Variants in C11orf65 observed in about 807,000 individuals in gnomAD.
C11orf65 encodes the protein protein MFI.
C11orf65 carries 38 observed loss-of-function variants against 35.3 expected under a neutral mutation model. The observed-to-expected ratio is 1.08, with a 90% CI of 0.83 to 1.41. The LOEUF (loss-of-function observed/expected upper bound fraction) is 1.41. Ranked by LOEUF, C11orf65 falls within the 40% of genes most tolerant of loss-of-function variation. The probability of loss-of-function intolerance (pLI) is 0.00; values close to 1 mark genes in which losing one functional copy is unlikely to be tolerated. For missense variants in C11orf65, 370 were observed against 367.1 expected (o/e 1.01, Z -0.06); for synonymous variants, 105 against 114.4 (o/e 0.92, Z 0.53).
chr11:108,363,233 T>A (rs1203537245), intron 2 of C11orf65, among the ~76,000 whole-genome samples: 1 of 152,230 alleles, frequency 6.6e-6, no homozygotes, highest in Non-Finnish European at 1.5e-5. Flanking sequence ...CTTGGATTCA[T>A]TTCTTTTCTT....
rs530540893 is a variant in C11orf65, at chr11:108,365,048, T to G, written c.226+28160A>C. 2.4e-5 allele frequency: 38 copies of G among 1,609,672 alleles called. 1 individual carries two copies. The South Asian group carries it at 3.3e-4, about 14-fold the overall frequency. ...TCTAAGTATGTGATTAAAATGTACA[T>G]TGTTCTTTTAATACATATGTTCTCT... is the stretch of plus-strand genomic sequence containing the variant. On this transcript the variant is annotated intron_variant, in intron 2 of 3. Transcript: ENST00000524755.
intron 2 of C11orf65, among the ~76,000 whole-genome samples, chr11:108,358,057 G>C (rs1205573292): frequency 3.4e-5 from 5 of 147,024 alleles, no homozygotes; most frequent in Admixed American, 6.8e-5. Context: ...AAAAAATTTA[G>C]AAGAATGTAT....
chr11:108,335,929 A>C, intron 2 of C11orf65: 1 of 1,613,652 alleles, frequency 6.2e-7, no homozygotes, highest in Non-Finnish European at 8.5e-7. Context: ...CACGGAAACT[A>C]GGAAGAGGAA....
At position 108,357,623 on chromosome 11, in the gene C11orf65, G is replaced by A. The variant is rs544245637; in HGVS notation, c.227-22331C>T. Among the ~76,000 whole-genome samples the A allele has an allele frequency of 4.6e-5, 7 of 152,262 alleles. No individual in the cohort carries two copies. The East Asian group carries it at 1.2e-3, about 25-fold the overall frequency. On this transcript the variant is annotated intron_variant, in intron 2 of 3. Transcript: ENST00000524755. Reference sequence around the variant, plus strand: ...GACAACAGGCAGACTGCCTCCTCAAGTGGGTTCCTGACCCCTGACCCCCGA... The same window carrying A: ...GACAACAGGCAGACTGCCTCCTCAAATGGGTTCCTGACCCCTGACCCCCGA...
At chr11:108,447,508 A>T (rs1333607267) in intron 2 of C11orf65, among the ~76,000 whole-genome samples, 3 of 152,176 alleles carry the variant, frequency 2.0e-5, no homozygotes, top group Non-Finnish European at 2.9e-5. Flanking sequence ...CTACATGGAA[A>T]CTGAACAACC....
chr11:108,439,512 A>AT (rs2093116988), intron 2 of C11orf65, among the ~76,000 whole-genome samples: 1 of 152,202 alleles, frequency 6.6e-6, no homozygotes, highest in Non-Finnish European at 1.5e-5. Flanking sequence ...TCAAACAGAT[A>AT]TTTTTACATC....
intron 8 of C11orf65, among the ~76,000 whole-genome samples, chr11:108,384,670 G>A (rs1195322805): frequency 6.6e-6 from 1 of 152,106 alleles, no homozygotes; most frequent in Non-Finnish European, 1.5e-5. Context: ...CTACCCAGGA[G>A]GCTGAAGTGG....
At chr11:108,399,630 C>T (rs758398992) in intron 6 of C11orf65, among the ~76,000 whole-genome samples, 1 of 152,168 alleles carries the variant, frequency 6.6e-6, no homozygotes, top group African/African-American at 2.4e-5. Context: ...GGCAATGCAG[C>T]GTAAGTAGTG....
intron 3 of C11orf65, among the ~76,000 whole-genome samples, chr11:108,429,035 T>C (rs2092948872): frequency 6.6e-6 from 1 of 152,024 alleles, no homozygotes; most frequent in Admixed American, 6.6e-5. Context: ...TTGCTCCAGC[T>C]ACTTGTGAGG....
At chr11:108,449,458 A>G (rs2093315641) in intron 2 of C11orf65, among the ~76,000 whole-genome samples, 1 of 152,034 alleles carries the variant, frequency 6.6e-6, no homozygotes, top group Non-Finnish European at 1.5e-5. Context: ...ATGGAGCAGA[A>G]CAGAGTCCTC....
chr11:108,447,120 A>C (rs372688095), intron 2 of C11orf65, among the ~76,000 whole-genome samples: 19 of 152,272 alleles, frequency 1.2e-4, no homozygotes, highest in Admixed American at 7.2e-4. Flanking sequence ...CAGGAGCACC[A>C]AGATTCATAA....
rs749430886 is a variant in C11orf65, at chr11:108,335,798, TAATAA to T, written c.227-511_227-507del. 8 of 1,488,218 alleles carry T rather than the reference TAATAA, an allele frequency of 5.4e-6. No individual in the cohort carries two copies. In the Admixed American group the frequency reaches 8.5e-5, roughly 16 times the overall value. The allele number at this position is 1,488,218 out of a possible 1,614,324, so 92.2% of individuals were successfully genotyped here. A position where few individuals can be genotyped will look rare whatever the true frequency, so the allele number is the denominator to read the frequency against. ...ATTCTCAGATGACTCTGTGTTTTTA[TAATAA>T]AATAAACTGTACTTGTTTATTCATG... On this transcript the variant is annotated intron_variant, in intron 2 of 3. Transcript: ENST00000524755.
chr11:108,405,098 G>A lies in C11orf65; in HGVS notation c.560+331C>T, dbSNP rs1361470521. Among the ~76,000 whole-genome samples, 4 of 152,256 alleles carry A rather than the reference G, an allele frequency of 2.6e-5. No individual in the cohort carries two copies. In the South Asian group the frequency reaches 6.2e-4, roughly 24 times the overall value. ...AGCCTTTGATGTGTGCTTTTTACTCGGGAAGTCCACAATGTCAGTTAGCCT... is the reference window on the plus strand; with the variant it reads ...AGCCTTTGATGTGTGCTTTTTACTCAGGAAGTCCACAATGTCAGTTAGCCT... On this transcript the variant is annotated intron_variant, in intron 6 of 8. Coordinates refer to ENST00000393084, the MANE Select transcript of C11orf65 (RefSeq NM_152587.5).
chr11:108,431,666 T>C (rs1402540243), intron 3 of C11orf65, 80 bp downstream of exon 3: 3 of 731,162 alleles, frequency 4.1e-6, no homozygotes, highest in Admixed American at 2.9e-5. Context: ...GAAACAAATA[T>C]GATGAGCACA....
At chr11:108,322,170 T>C (rs1427358794) in intron 6 of C11orf65, among the ~76,000 whole-genome samples, 1 of 152,200 alleles carries the variant, frequency 6.6e-6, no homozygotes, top group African/African-American at 2.4e-5. Context: ...TTTATGTTTT[T>C]TTGAGACCAA....
intron 2 of C11orf65, among the ~76,000 whole-genome samples, chr11:108,442,017 C>T (rs1168879813): frequency 6.6e-6 from 1 of 152,146 alleles, no homozygotes; most frequent in East Asian, 1.9e-4. Context: ...TCAGTAATAA[C>T]AAACTTCTCC....
chr11:108,398,522 G>C (rs2092369720), intron 6 of C11orf65, among the ~76,000 whole-genome samples: 1 of 152,208 alleles, frequency 6.6e-6, no homozygotes, highest in Non-Finnish European at 1.5e-5. Flanking sequence ...TAGAAATACA[G>C]AGCTCAGTTA....
Position 108,343,324 on chromosome 11 carries a change from T to C in C11orf65, c.227-8032A>G, listed in dbSNP as rs1020805015. ...CAATGAAGATGGTGCTCATAAAAGA[T>C]ACAGGCCAAATGATTTCAGTGCCTT... is the stretch of plus-strand genomic sequence containing the variant. On this transcript the variant is annotated intron_variant, in intron 2 of 3. Coordinates refer to the C11orf65 transcript ENST00000524755. 1.2e-6 allele frequency: 2 copies of C among 1,613,934 alleles called. No individual in the cohort carries two copies. The highest frequency in any genetic ancestry group is 2.7e-5 in the African/African-American group (2 of 74,924).
Position 108,321,476 on chromosome 11 carries a change from G to A in C11orf65, c.641-12405C>T. On this transcript the variant is annotated intron_variant, in intron 6 of 6. Transcript: ENST00000525729. ...AAGTGCAGCTTTTCTGTTACCAATA[G>A]TGACTTTAAAAAATAAAAACTATAG... 4 of 1,611,974 alleles carry A rather than the reference G, an allele frequency of 2.5e-6. No homozygotes were observed. The South Asian group carries it at 4.4e-5, about 18-fold the overall frequency.
Sources: gnomAD v4.1 joint callset for allele counts (sites outside exome capture counted in the v4.1 genomes callset) on GRCh38, gnomAD v4.1.1 for gene constraint, MANE v1.5 for transcripts, NCBI Gene and HGNC (gene_info 2026-07-23, HGNC 2026-07-21) for gene names.